Variants in MAGI2 observed in about 807,000 individuals in gnomAD.
The protein encoded by MAGI2 is membrane-associated guanylate kinase, WW and PDZ domain-containing protein 2.
MAGI2 carries 35 observed loss-of-function variants against 133.3 expected under a neutral mutation model. The observed-to-expected ratio is 0.26, with a 90% CI of 0.20 to 0.35. The LOEUF is 0.35. Ranked by LOEUF, MAGI2 falls within the 10% of genes least tolerant of loss-of-function variation. The pLI is 1.00. For synonymous variants in MAGI2, 729 were observed against 710.6 expected, an observed-to-expected ratio of 1.03 and a Z score of -0.41; for missense variants, 1,636 against 1,863.4, an observed-to-expected ratio of 0.88 and a Z score of 2.25.
At chr7:78,316,860 C>A (rs778143789) in intron 9 of MAGI2, among the ~76,000 whole-genome samples, 4 of 152,132 alleles carry the variant, frequency 2.6e-5, no homozygotes, top group Non-Finnish European at 5.9e-5. Flanking sequence ...AGCTGATAAA[C>A]CATGAATCTT....
At chr7:78,987,836 ACACACACACACAGG>A (rs1327401027) in intron 2 of MAGI2, among the ~76,000 whole-genome samples, 1 of 150,724 alleles carries the variant, frequency 6.6e-6, no homozygotes, top group Non-Finnish European at 1.5e-5. Context: ...GTTTTTATAC[ACACACACACACAGG>A]CACACACACA....
intron 3 of MAGI2, among the ~76,000 whole-genome samples, chr7:78,604,391 A>T (rs143217659): frequency 7.6e-4 from 115 of 152,300 alleles, no homozygotes; most frequent in African/African-American, 2.5e-3. Context: ...TTTGAAACTC[A>T]TCTGAAGTGG....
chr7:78,675,293 G>A (rs1433836661), intron 2 of MAGI2, among the ~76,000 whole-genome samples: 1 of 151,820 alleles, frequency 6.6e-6, no homozygotes, highest in Non-Finnish European at 1.5e-5. Flanking sequence ...TTGTGTGTTT[G>A]AATGTGTGAT....
intron 20 of MAGI2, among the ~76,000 whole-genome samples, chr7:78,086,123 C>T (rs1420191932): frequency 2.0e-5 from 3 of 151,888 alleles, no homozygotes; most frequent in African/African-American, 7.3e-5. Context: ...TTCACTGATT[C>T]CTTCCTTTTT....
rs183451254 is a variant in MAGI2 at position 78,621,565 on chromosome 7, A to G, written c.538+5555T>C. ...TGCAAGGCTATTCAGCAGATGTTCT[A>G]TATCAAATTCAAATGAGCCATTCAG... is the stretch of plus-strand genomic sequence containing the variant. On this transcript the variant is annotated intron_variant, in intron 3 of 21. Coordinates refer to ENST00000354212, the MANE Select transcript of MAGI2 (RefSeq NM_012301.4). Among the ~76,000 whole-genome samples, 8 of 152,068 alleles carry G rather than the reference A, an allele frequency of 5.3e-5. 1 individual carries two copies. Among genetic ancestry groups the G allele is most frequent in the Middle Eastern group, 6.8e-3 (2 of 294 alleles).
At chr7:78,550,688 A>G (rs1407124818) in intron 3 of MAGI2, among the ~76,000 whole-genome samples, 1 of 152,094 alleles carries the variant, frequency 6.6e-6, no homozygotes, top group Non-Finnish European at 1.5e-5. Flanking sequence ...TGTTTTTTAC[A>G]TTAATGTCAT....
At chr7:78,818,891 A>G (rs1584016690) in intron 2 of MAGI2, among the ~76,000 whole-genome samples, 1 of 152,274 alleles carries the variant, frequency 6.6e-6, no homozygotes, top group East Asian at 1.9e-4. Flanking sequence ...TACACAGCTT[A>G]CATCAATTCT....
chr7:78,175,929 C>T (rs146978318), intron 14 of MAGI2, among the ~76,000 whole-genome samples: 2 of 152,254 alleles, frequency 1.3e-5, no homozygotes, highest in East Asian at 3.9e-4. Context: ...GTATAAATAT[C>T]CTGCGGAGGT....
intron 2 of MAGI2, among the ~76,000 whole-genome samples, chr7:78,820,414 C>A (rs1789992751): frequency 1.3e-5 from 2 of 151,578 alleles, no homozygotes; most frequent in South Asian, 4.2e-4. Context: ...AATGAACAAA[C>A]CTGAAGGAAC....
chr7:78,955,723 C>CTCTTTCTTTCTTTCTTCCTTTCTT (rs1802268043), intron 2 of MAGI2, among the ~76,000 whole-genome samples: 48 of 83,492 alleles, frequency 5.7e-4, no homozygotes, highest in African/African-American at 1.9e-3. Context: ...TTCTTTCTTT[C>CTCTTTCTTTCTTTCTTCCTTTCTT]TCTTTCTTTC....
chr7:78,591,345 T>C (rs949329722), intron 3 of MAGI2, among the ~76,000 whole-genome samples: 31 of 152,192 alleles, frequency 2.0e-4, no homozygotes, highest in African/African-American at 6.0e-4. Flanking sequence ...GGGTTAGAGA[T>C]CTCATTAAAA....
chr7:78,403,176 G>A (rs989338954), intron 6 of MAGI2, among the ~76,000 whole-genome samples: 1 of 151,338 alleles, frequency 6.6e-6, no homozygotes, highest in Non-Finnish European at 1.5e-5. Flanking sequence ...ACAGGCCCCA[G>A]TGTGTGATGT....
In MAGI2 at chr7:79,321,319, C is replaced by T. The variant is rs1484438600; in HGVS notation, c.301+131701G>A. On this transcript the variant is annotated intron_variant, in intron 1 of 21. Transcript: ENST00000354212. ...AAGAAAATTACAAAAAGAAATGTGA[C>T]CTGTAAATTTATTAACTTTTTTTAG... Among the ~76,000 whole-genome samples, 47 of 152,112 alleles carry T rather than the reference C, an allele frequency of 3.1e-4. 1 individual carries two copies. Among genetic ancestry groups the T allele is most frequent in the Admixed American group, 3.1e-3 (47 of 15,262 alleles).
intron 1 of MAGI2, among the ~76,000 whole-genome samples, chr7:79,135,696 G>A (rs867715680): frequency 6.6e-6 from 1 of 151,954 alleles, no homozygotes; most frequent in Non-Finnish European, 1.5e-5. Context: ...CAGCATTTTG[G>A]GAGGCTGAGG....
chr7:78,456,776 G>A (rs527914383), intron 6 of MAGI2: 18 of 152,180 alleles, frequency 1.2e-4, no homozygotes, highest in Admixed American at 2.6e-4. Context: ...TTTCAAAAAG[G>A]AGAAGTTCAC....
intron 5 of MAGI2, among the ~76,000 whole-genome samples, chr7:78,491,251 G>A (rs1793574514): frequency 6.6e-6 from 1 of 152,026 alleles, no homozygotes; most frequent in Non-Finnish European, 1.5e-5. Flanking sequence ...GAGGGAGGAT[G>A]GAGTCAAGAT....
At chr7:78,536,103 C>CTTT (rs544655465) in intron 3 of MAGI2, among the ~76,000 whole-genome samples, 2,984 of 59,946 alleles carry the variant, frequency 0.05, 874 homozygotes, top group African/African-American at 0.13. Context: ...ATGAATTAAA[C>CTTT]TTTTTTTTTT....
chr7:79,237,434 A>C (rs1288159820), intron 1 of MAGI2, among the ~76,000 whole-genome samples: 1 of 152,232 alleles, frequency 6.6e-6, no homozygotes, highest in Non-Finnish European at 1.5e-5. Flanking sequence ...TGGAGCTTGC[A>C]GTGAGCCAAC....
At chr7:78,433,795 T>A (rs748451222) in intron 6 of MAGI2, among the ~76,000 whole-genome samples, 3 of 152,074 alleles carry the variant, frequency 2.0e-5, no homozygotes, top group Non-Finnish European at 4.4e-5. Context: ...TTTTCACCAG[T>A]TTTAGAGCCA....
Sources: allele counts gnomAD v4.1 joint callset (sites outside exome capture counted in the v4.1 genomes callset), GRCh38; gene constraint gnomAD v4.1.1; transcripts MANE v1.5; gene names NCBI Gene and HGNC (gene_info 2026-07-23, HGNC 2026-07-21).